The following LIMK2 variants were observed in gnomAD, a reference collection of about 807,000 sequenced individuals.
The protein encoded by LIMK2 is LIM domain kinase 2.
In LIMK2, 35 loss-of-function variants were observed where a neutral mutation model predicts 75.7. That is an observed-to-expected ratio of 0.46 (90% CI 0.35 to 0.61). The LOEUF (loss-of-function observed/expected upper bound fraction) is 0.61. Ranked by LOEUF, LIMK2 falls within the 20% of genes least tolerant of loss-of-function variation. The pLI is 0.00. For synonymous variants in LIMK2, 301 were observed against 319.2 expected (o/e 0.94, Z 0.61); for missense variants, 623 against 831.0 (o/e 0.75, Z 3.08).
chr22:31,273,534 C>G (rs764098022), intron 14 of LIMK2, 27 bp downstream of exon 14: 3 of 1,604,960 alleles, frequency 1.9e-6, no homozygotes, highest in Admixed American at 3.3e-5. Context: ...AGGCCATGCC[C>G]GAGGCAGCAG....
At chr22:31,248,189 A>G (rs1367746395) in intron 2 of LIMK2, among the ~76,000 whole-genome samples, 2 of 151,944 alleles carry the variant, frequency 1.3e-5, no homozygotes, top group African/African-American at 4.8e-5. Context: ...AATTGGTCCC[A>G]GTTATTGTCT....
rs746798504 is a variant in LIMK2 at position 31,278,261 on chromosome 22, T to C, written c.1773-36T>C. On this transcript the variant is annotated intron_variant, in intron 15 of 15. Transcript: ENST00000331728. Reference sequence around the variant, plus strand: ...CACCCACCCCATGGCCCTGCTCATGTTCCACCTGCCTCTAATTTACCTCTT... The same window carrying C: ...CACCCACCCCATGGCCCTGCTCATGCTCCACCTGCCTCTAATTTACCTCTT... 5.7e-6 allele frequency: 9 copies of C among 1,586,580 alleles called. No homozygotes were observed. In the Admixed American group the frequency reaches 1.4e-4, roughly 24 times the overall value.
chr22:31,274,587 G>C (rs535531741), intron 14 of LIMK2, among the ~76,000 whole-genome samples: 31 of 152,222 alleles, frequency 2.0e-4, no homozygotes, highest in Admixed American at 1.8e-3. Flanking sequence ...TTTCAGTAGA[G>C]ACAGGGTTTC....
chr22:31,275,476 AAG>A (rs2049004306), intron 15 of LIMK2, 168 bp downstream of exon 15: 1 of 632,770 alleles, frequency 1.6e-6, no homozygotes. Context: ...CAGGTTGGAG[AAG>A]AGAGAGGTAA....
chr22:31,278,258 A>G (rs752797125), intron 15 of LIMK2, 39 bp from the exon 16 acceptor site: 7 of 1,581,378 alleles, frequency 4.4e-6, no homozygotes, highest in South Asian at 3.5e-5. Context: ...GGCCCTGCTC[A>G]TGTTCCACCT....
At chr22:31,246,314 T>C (rs1446412331) in intron 2 of LIMK2, among the ~76,000 whole-genome samples, 1 of 149,464 alleles carries the variant, frequency 6.7e-6, no homozygotes, top group African/African-American at 2.5e-5. Flanking sequence ...CAATGAACCA[T>C]GTTTATACCA....
chr22:31,263,343 T>C (rs373565722), intron 7 of LIMK2, among the ~76,000 whole-genome samples: 11 of 152,262 alleles, frequency 7.2e-5, no homozygotes, highest in African/African-American at 2.6e-4. Flanking sequence ...GATACCCTAC[T>C]GGGGCTTCAG....
chr22:31,238,253 G>T (rs905313116), intron 2 of LIMK2, among the ~76,000 whole-genome samples: 3 of 152,136 alleles, frequency 2.0e-5, no homozygotes, highest in Non-Finnish European at 4.4e-5. Context: ...CCAGAATAGG[G>T]TCCTTTGTGG....
chr22:31,234,326 T>TA (rs1381969510), intron 2 of LIMK2, among the ~76,000 whole-genome samples: 2,478 of 127,726 alleles, frequency 0.019, 45 homozygotes, highest in African/African-American at 0.041. Context: ...GGAGTGATCT[T>TA]AAAAAAAAAA....
intron 7 of LIMK2, among the ~76,000 whole-genome samples, chr22:31,264,107 C>A (rs2048867835): frequency 6.6e-6 from 1 of 152,180 alleles, no homozygotes; most frequent in Admixed American, 6.5e-5. Context: ...GTGCTGCCCT[C>A]ACTCCCATTG....
chr22:31,246,369 A>C lies in LIMK2; in HGVS notation c.117-11922A>C, dbSNP rs1327201038. On this transcript the variant is annotated intron_variant, in intron 2 of 15. Transcript: ENST00000331728. ...ACAGTGTGAGACTGAATCTCAAAAG[A>C]AAAAAAAAAAAAAGAAAAAAATCTT... Among the ~76,000 whole-genome samples, 3 of 132,592 alleles carry C rather than the reference A, an allele frequency of 2.3e-5. 1 individual carries two copies. 87.0% of individuals were successfully genotyped at this position (132,592 alleles called of 152,430 possible).
At chr22:31,215,424 T>C (rs1368776963) in intron 1 of LIMK2, among the ~76,000 whole-genome samples, 2 of 152,218 alleles carry the variant, frequency 1.3e-5, no homozygotes, top group African/African-American at 2.4e-5. Context: ...TTATAAATTT[T>C]AACAGGTGTT....
chr22:31,278,349 G>C lies in LIMK2; in HGVS notation c.1825G>C (p.Gly609Arg). 1.9e-6 allele frequency: 3 copies of C among 1,613,832 alleles called. No homozygotes were observed. Among genetic ancestry groups the C allele is most frequent in the Non-Finnish European group, 2.5e-6 (3 of 1,179,866 alleles). The change falls in exon 16 of 16, where the codon GGG becomes CGG. Residue 609 changes from glycine to arginine, a missense_variant. Around this residue, in one of 3 missense-constraint regions of LIMK2, gnomAD observed 46 missense variants for 46.9 expected, o/e 0.98. Transcript: ENST00000331728. ...CTTTGAGGCCCTCTCCCTGTACCTG[G>C]GGGAGCTGGGCATCCCGCTGCCTGC... Reference protein sequence around the residue: ...DSFEALSLYLGELGIPLPAEL... With the variant: ...DSFEALSLYLRELGIPLPAEL...
chr22:31,244,653 A>G (rs2048650891), intron 2 of LIMK2, among the ~76,000 whole-genome samples: 1 of 152,202 alleles, frequency 6.6e-6, no homozygotes, highest in South Asian at 2.1e-4. Context: ...GCTGGGAGCT[A>G]TTTAGAGACC....
At chr22:31,228,699 G>A (rs542749943) in intron 2 of LIMK2, among the ~76,000 whole-genome samples, 3 of 152,262 alleles carry the variant, frequency 2.0e-5, no homozygotes, top group East Asian at 1.9e-4. Context: ...CTGGGAGGCC[G>A]AGGCAGAAGG....
At chr22:31,270,617 GA>G (rs1225433334) in intron 11 of LIMK2, among the ~76,000 whole-genome samples, 1 of 152,216 alleles carries the variant, frequency 6.6e-6, no homozygotes, top group East Asian at 1.9e-4. Context: ...ATTTTGGTAG[GA>G]AGGGGGAGAG....
chr22:31,228,121 T>C (rs906955283), intron 2 of LIMK2, among the ~76,000 whole-genome samples: 1 of 152,022 alleles, frequency 6.6e-6, no homozygotes, highest in African/African-American at 2.4e-5. Flanking sequence ...GCATGGTAGA[T>C]AAGAGTACAG....
Position 31,259,917 on chromosome 22 carries a change from G to A in LIMK2, c.391G>A (p.Ala131Thr). 1 of 1,609,162 alleles carries A rather than the reference G, an allele frequency of 6.2e-7. No homozygotes were observed. Among genetic ancestry groups the A allele is most frequent in the Non-Finnish European group, 8.5e-7 (1 of 1,178,710 alleles). ...CGKCHNEVVL[A>T]PMFERLSTES... is the part of the protein sequence containing the mutation. Reference sequence around the variant, plus strand: ...GAAGTGCCACAATGAGGTGGTGCTGGCACCCATGTTTGAGAGACTCTCCAC... The same window carrying A: ...GAAGTGCCACAATGAGGTGGTGCTGACACCCATGTTTGAGAGACTCTCCAC... Residue 131 changes from alanine (A) to threonine (T), a missense_variant, in exon 5 of 16, where the codon GCA (alanine) becomes ACA (threonine). Transcript: ENST00000331728.
chr22:31,253,191 C>G (rs1237963968), intron 2 of LIMK2, among the ~76,000 whole-genome samples: 1 of 152,236 alleles, frequency 6.6e-6, no homozygotes, highest in Non-Finnish European at 1.5e-5. Context: ...TCTGGCTCCT[C>G]AGGACAGTGG....
Sources: gnomAD v4.1 joint callset for allele counts (sites outside exome capture counted in the v4.1 genomes callset) on GRCh38, gnomAD v4.1.1 for gene constraint, gnomAD v4.1.1 regional missense constraint, MANE v1.5 for transcripts, NCBI Gene and HGNC (gene_info 2026-07-23, HGNC 2026-07-21) for gene names.